Variants in TSC22D3 observed in about 807,000 individuals in gnomAD.
The protein encoded by TSC22D3 is TSC22 domain family protein 3.
In TSC22D3, 4 loss-of-function variants were observed where a neutral mutation model predicts 11.1. The observed-to-expected ratio is 0.36, with a 90% CI of 0.18 to 0.83. The LOEUF is 0.83. Among genes scored for constraint, TSC22D3 ranks in the 40% least tolerant of loss-of-function variants. The probability of loss-of-function intolerance (pLI) is 0.48; values close to 1 mark genes in which losing one functional copy is unlikely to be tolerated. For missense variants in TSC22D3, 118 were observed against 159.4 expected (o/e 0.74, Z 1.40); for synonymous variants, 77 against 70.3 (o/e 1.10, Z -0.48).
intron 1 of TSC22D3, among the ~76,000 whole-genome samples, chrX:107,753,135 C>T (rs772436806): frequency 3.1e-4 from 34 of 110,954 alleles, no homozygotes; most frequent in Middle Eastern, 4.6e-3. Context: ...TCCTATCCTT[C>T]CCTTTACCTA....
chrX:107,758,700 T>C (rs1929287926), intron 1 of TSC22D3, among the ~76,000 whole-genome samples: 1 of 111,666 alleles, frequency 9.0e-6, no homozygotes, highest in Non-Finnish European at 1.9e-5. Context: ...ATAGAGAATT[T>C]CTGCAAACAC....
At chrX:107,723,476 G>A (rs1253003432) in intron 1 of TSC22D3, among the ~76,000 whole-genome samples, 2 of 112,633 alleles carry the variant, frequency 1.8e-5, no homozygotes, top group South Asian at 3.6e-4. Flanking sequence ...AGAGGCAGGT[G>A]CTAAGGTTCC....
chrX:107,750,740 T>C (rs1196523762), intron 1 of TSC22D3, among the ~76,000 whole-genome samples: 1 of 111,241 alleles, frequency 9.0e-6, no homozygotes, highest in Non-Finnish European at 1.9e-5. Flanking sequence ...AGGTACTTAT[T>C]GGAGGCTCCA....
intron 1 of TSC22D3, among the ~76,000 whole-genome samples, chrX:107,758,925 G>A (rs1929303606): frequency 9.0e-6 from 1 of 110,641 alleles, no homozygotes; most frequent in African/African-American, 3.3e-5. Context: ...CTGTCGCACA[G>A]GCTGGAGTGC....
chrX:107,763,081 TCTTGAC>T (rs1182435624), intron 1 of TSC22D3, among the ~76,000 whole-genome samples: 1 of 110,425 alleles, frequency 9.1e-6, no homozygotes, highest in East Asian at 2.8e-4. Flanking sequence ...GGTCTCGAAC[TCTTGAC>T]CTCATGATCC....
chrX:107,727,147 G>C, intron 1 of TSC22D3, among the ~76,000 whole-genome samples: 1 of 111,934 alleles, frequency 8.9e-6, no homozygotes, highest in East Asian at 2.8e-4. Context: ...CCAACAATAG[G>C]CTGCTGCAAT....
chrX:107,720,737 A>G (rs1486914894), intron 1 of TSC22D3, among the ~76,000 whole-genome samples: 3 of 54,160 alleles, frequency 5.5e-5, no homozygotes, highest in African/African-American at 1.5e-4. Context: ...TCCAACAACA[A>G]GGGCAGGGGA....
intron 1 of TSC22D3, among the ~76,000 whole-genome samples, chrX:107,766,265 C>T (rs952160484): frequency 3.6e-5 from 4 of 111,688 alleles, no homozygotes; most frequent in African/African-American, 6.5e-5. Context: ...TCCACTAAGC[C>T]GGTAATGTAA....
intron 1 of TSC22D3, among the ~76,000 whole-genome samples, chrX:107,739,149 G>A (rs1928278219): frequency 8.8e-6 from 1 of 113,205 alleles, no homozygotes; most frequent in African/African-American, 3.2e-5. Flanking sequence ...ACCATCGGAA[G>A]TGCCCTTCCA....
intron 1 of TSC22D3, among the ~76,000 whole-genome samples, chrX:107,740,097 G>A (rs769349596): frequency 8.9e-6 from 1 of 112,150 alleles, no homozygotes; most frequent in South Asian, 3.7e-4. Context: ...AGTTTGCAGA[G>A]GGGAAATCTG....
chrX:107,748,933 C>T (rs1928799590), intron 1 of TSC22D3, among the ~76,000 whole-genome samples: 1 of 111,903 alleles, frequency 8.9e-6, no homozygotes, highest in Non-Finnish European at 1.9e-5. Context: ...AAGGCATTGG[C>T]ATTGCCAGCC....
intron 1 of TSC22D3, chrX:107,716,268 C>T (rs1239471455): frequency 1.1e-6 from 1 of 922,396 alleles, no homozygotes; most frequent in Non-Finnish European, 1.4e-6. Context: ...GCTGTGCGAC[C>T]CGGGGAGTCC....
At chrX:107,719,948 G>A (rs770960797) in intron 1 of TSC22D3, among the ~76,000 whole-genome samples, 1 of 111,595 alleles carries the variant, frequency 9.0e-6, no homozygotes, top group East Asian at 2.8e-4. Flanking sequence ...AATCCTCAAA[G>A]AAAGCTATCT....
At position 107,723,593 on chromosome X, in the gene TSC22D3, G is replaced by A. The variant is rs138925685; in HGVS notation, c.321-7643C>T. 4.4e-5 allele frequency among the ~76,000 whole-genome samples: 5 copies of A among 112,523 alleles called. No homozygotes were observed. In the East Asian group the frequency reaches 1.4e-3, roughly 31 times the overall value. On this transcript the variant is annotated intron_variant, in intron 1 of 2. Coordinates refer to ENST00000372383, the MANE Select transcript of TSC22D3 (RefSeq NM_198057.3). ...GTGTCCTGCAGCCTTCCCAGGGGCT[G>A]AGAAAGAAAGCAGCAAGACTATGCC...
chrX:107,744,199 C>T (rs1286013433), intron 1 of TSC22D3, among the ~76,000 whole-genome samples: 3 of 112,211 alleles, frequency 2.7e-5, no homozygotes, highest in Non-Finnish European at 5.6e-5. Context: ...CTGCCCTGCC[C>T]TCTCTGACAT....
intron 1 of TSC22D3, among the ~76,000 whole-genome samples, chrX:107,739,711 C>A (rs1159425289): frequency 8.9e-6 from 1 of 112,807 alleles, no homozygotes; most frequent in Non-Finnish European, 1.9e-5. Context: ...GAAGCCCTAT[C>A]TGGGAGGGAC....
chrX:107,760,010 C>T (rs757397503), intron 1 of TSC22D3, among the ~76,000 whole-genome samples: 3 of 112,839 alleles, frequency 2.7e-5, no homozygotes, highest in African/African-American at 6.4e-5. Flanking sequence ...CTGCCGAGAC[C>T]GGGCCAGCTT....
chrX:107,773,691 T>C (rs2147798323), intron 1 of TSC22D3, among the ~76,000 whole-genome samples: 1 of 111,883 alleles, frequency 8.9e-6, no homozygotes, highest in African/African-American at 3.2e-5. Context: ...GTGTCGAAAA[T>C]GCCCGAGGAA....
chrX:107,729,518 G>GGGAGTGGGAA (rs1258602484), intron 1 of TSC22D3, among the ~76,000 whole-genome samples: 2 of 112,307 alleles, frequency 1.8e-5, no homozygotes, highest in African/African-American at 6.5e-5. Context: ...TGACACTAGA[G>GGGAGTGGGAA]CTGGCGAGGG....
Sources: allele counts gnomAD v4.1 joint callset (sites outside exome capture counted in the v4.1 genomes callset), GRCh38; gene constraint gnomAD v4.1.1; transcripts MANE v1.5; gene names NCBI Gene and HGNC (gene_info 2026-07-23, HGNC 2026-07-21).